Variants in VPS35L observed in about 807,000 individuals in gnomAD.
The protein encoded by VPS35L is VPS35 endosomal protein-sorting factor-like.
In VPS35L, 83 loss-of-function variants were observed where a neutral mutation model predicts 133.0. The observed-to-expected ratio is 0.62, with a 90% CI of 0.52 to 0.75. The LOEUF (loss-of-function observed/expected upper bound fraction) is 0.75, where lower values mean the gene tolerates loss of function less well. Ranked by LOEUF, VPS35L falls within the 30% of genes least tolerant of loss-of-function variation. VPS35L has a pLI of 0.00. For synonymous variants in VPS35L, 423 were observed against 449.9 expected (o/e 0.94, Z 0.76); for missense variants, 1,083 against 1,206.8 (o/e 0.90, Z 1.52).
At chr16:19,560,032 C>CT (rs1392657879) in intron 1 of VPS35L, among the ~76,000 whole-genome samples, 2 of 152,064 alleles carry the variant, frequency 1.3e-5, no homozygotes, top group African/African-American at 4.8e-5. Flanking sequence ...CACCATCCCC[C>CT]TTTTTAAAAA....
intron 20 of VPS35L, among the ~76,000 whole-genome samples, chr16:19,637,909 A>C (rs1597384060): frequency 6.6e-6 from 1 of 152,250 alleles, no homozygotes; most frequent in East Asian, 1.9e-4. Flanking sequence ...TGTATAAGTA[A>C]GGGCATTACA....
intron 14 of VPS35L, among the ~76,000 whole-genome samples, chr16:19,618,386 A>G (rs1972967252): frequency 6.6e-6 from 1 of 152,202 alleles, no homozygotes; most frequent in African/African-American, 2.4e-5. Flanking sequence ...CGGTAGTGCA[A>G]AATTGGAGGC....
intron 7 of VPS35L, among the ~76,000 whole-genome samples, chr16:19,588,513 CT>C (rs140865700): frequency 0.028 from 4,239 of 151,772 alleles, 81 homozygotes; most frequent in Non-Finnish European, 0.042. Context: ...AGTCTTTTAA[CT>C]TTTTTTTTCT....
chr16:19,627,548 T>C (rs1237477734), intron 15 of VPS35L, 146 bp from the exon 16 acceptor site: 18 of 642,156 alleles, frequency 2.8e-5, no homozygotes, highest in Non-Finnish European at 8.3e-6. Context: ...GTCTCTCCAG[T>C]TTACCTTTTT....
intron 1 of VPS35L, among the ~76,000 whole-genome samples, chr16:19,558,711 C>T (rs543023164): frequency 4.6e-5 from 7 of 151,850 alleles, no homozygotes; most frequent in South Asian, 2.1e-4. Context: ...ACTTGATGTC[C>T]GGAGTTCAAG....
At chr16:19,665,460 C>G (rs1415424592) in intron 26 of VPS35L, among the ~76,000 whole-genome samples, 2 of 152,196 alleles carry the variant, frequency 1.3e-5, no homozygotes, top group Non-Finnish European at 2.9e-5. Context: ...TGGCTTAATT[C>G]ACTTAACATA....
intron 29 of VPS35L, among the ~76,000 whole-genome samples, chr16:19,697,107 C>T (rs939546271): frequency 7.2e-5 from 11 of 152,208 alleles, no homozygotes; most frequent in African/African-American, 2.2e-4. Context: ...GGTGCCAGCC[C>T]GCGTGCCCTG....
intron 27 of VPS35L, among the ~76,000 whole-genome samples, chr16:19,675,250 C>CT (rs61213469): frequency 0.011 from 1,601 of 141,158 alleles, 16 homozygotes; most frequent in South Asian, 0.038. Context: ...TGCACCCAGT[C>CT]TTTTTTTTTT....
intron 29 of VPS35L, among the ~76,000 whole-genome samples, chr16:19,697,356 A>C (rs930771253): frequency 6.6e-6 from 1 of 152,024 alleles, no homozygotes; most frequent in Non-Finnish European, 1.5e-5. Context: ...CTTTTTCTTT[A>C]AGACAGGGTC....
rs1398892339 is a variant in VPS35L at position 19,699,972 on chromosome 16, G to A, written c.2793+324G>A. Among the ~76,000 whole-genome samples the A allele has an allele frequency of 6.6e-6, 1 of 152,082 alleles. No homozygotes were observed. The highest frequency in any genetic ancestry group is 2.4e-5 in the African/African-American group (1 of 41,414). On this transcript the variant is annotated intron_variant, in intron 30 of 30. Transcript: ENST00000417362. The surrounding 1 kb of genome is among the most constrained non-coding windows in gnomAD (Gnocchi z 4.2). ...ATTAGCCGGCCATGGTGGTGCACAT[G>A]TGTAGTCCCAGCTACTCGGGAGGCT...
intron 23 of VPS35L, 135 bp downstream of exon 23, chr16:19,645,084 A>G: frequency 3.4e-6 from 2 of 582,602 alleles, no homozygotes. Context: ...ATTAGAAAAC[A>G]TCTTACATTA....
intron 14 of VPS35L, among the ~76,000 whole-genome samples, chr16:19,619,513 T>C (rs1401417454): frequency 6.6e-6 from 1 of 152,124 alleles, no homozygotes; most frequent in Non-Finnish European, 1.5e-5. Context: ...GGTATTCCAC[T>C]GAACGACGGA....
intron 2 of VPS35L, among the ~76,000 whole-genome samples, chr16:19,568,299 C>T (rs993745266): frequency 6.9e-6 from 1 of 145,182 alleles, no homozygotes; most frequent in Admixed American, 6.7e-5. Flanking sequence ...CTTCAAACCG[C>T]CCCCCCCTTT....
Position 19,674,298 on chromosome 16 carries a change from T to C in VPS35L, c.2361+4999T>C, listed in dbSNP as rs149541911. Among the ~76,000 whole-genome samples the C allele has an allele frequency of 3.4e-3, 499 of 145,412 alleles. 3 individuals carry two copies. Among genetic ancestry groups the C allele is most frequent in the African/African-American group, 0.012 (489 of 39,752 alleles). ...CCTCTGCCTCCTGGGTTAAAGCAAT[T>C]CTCGTGCCTCAGTCTCCCAAGTAGC... On this transcript the variant is annotated intron_variant, in intron 27 of 30. Transcript: ENST00000417362.
At chr16:19,556,810 G>GGTTTT (rs1555494268) in intron 1 of VPS35L, among the ~76,000 whole-genome samples, 1 of 142,880 alleles carries the variant, frequency 7.0e-6, no homozygotes, top group Non-Finnish European at 1.5e-5. Flanking sequence ...ACACCCTGAG[G>GGTTTT]TTTTTTTTTT....
At chr16:19,610,505 C>A in intron 12 of VPS35L, 90 bp downstream of exon 12, 1 of 922,300 alleles carries the variant, frequency 1.1e-6, no homozygotes, top group Non-Finnish European at 1.6e-6. Context: ...CACCACCCCG[C>A]AAGTCATTGA....
chr16:19,627,356 G>A (rs375299926), intron 15 of VPS35L, among the ~76,000 whole-genome samples: 21 of 151,820 alleles, frequency 1.4e-4, no homozygotes, highest in Middle Eastern at 3.5e-3. Context: ...GATCAATATC[G>A]TTACTTAATG....
chr16:19,562,069 C>T (rs1404603231), intron 1 of VPS35L, among the ~76,000 whole-genome samples: 3 of 152,144 alleles, frequency 2.0e-5, no homozygotes, highest in South Asian at 2.1e-4. Flanking sequence ...CGCACCACTG[C>T]ACTCCAGTGA....
chr16:19,622,140 C>CTTT (rs60521137), intron 14 of VPS35L, among the ~76,000 whole-genome samples: 2,033 of 107,838 alleles, frequency 0.019, 55 homozygotes, highest in African/African-American at 0.045. Context: ...CCATGTATAT[C>CTTT]TTTTTTTTTT....
Sources: allele counts gnomAD v4.1 joint callset (sites outside exome capture counted in the v4.1 genomes callset), GRCh38; gene constraint gnomAD v4.1.1; non-coding constraint Gnocchi (gnomAD v3.1); transcripts MANE v1.5; gene names NCBI Gene and HGNC (gene_info 2026-07-23, HGNC 2026-07-21).